Variants in MAGI2 observed in about 807,000 individuals in gnomAD.
MAGI2 encodes membrane-associated guanylate kinase, WW and PDZ domain-containing protein 2.
In MAGI2, 35 loss-of-function variants were observed where a neutral mutation model predicts 133.3. The ratio of observed to expected loss-of-function variants is 0.26; its 90% CI spans 0.20 to 0.35. The LOEUF is 0.35. MAGI2 is among the 10% of genes least tolerant of loss of function. The pLI, the probability that MAGI2 is intolerant of heterozygous loss-of-function variation, is 1.00. For synonymous variants in MAGI2, 729 were observed against 710.6 expected, an observed-to-expected ratio of 1.03 and a Z score of -0.41; for missense variants, 1,636 against 1,863.4, an observed-to-expected ratio of 0.88 and a Z score of 2.25.
At chr7:78,884,962 C>T (rs929267836) in intron 2 of MAGI2, among the ~76,000 whole-genome samples, 1 of 152,044 alleles carries the variant, frequency 6.6e-6, no homozygotes, top group Non-Finnish European at 1.5e-5. Context: ...AATGTGGCAA[C>T]AATATGCAGC....
At chr7:78,604,175 T>C (rs546482166) in intron 3 of MAGI2, among the ~76,000 whole-genome samples, 12 of 152,158 alleles carry the variant, frequency 7.9e-5, no homozygotes, top group African/African-American at 2.9e-4. Context: ...AGGATTTAAG[T>C]AGGGAAAGAA....
intron 1 of MAGI2, among the ~76,000 whole-genome samples, chr7:79,303,567 T>C (rs1276247641): frequency 2.0e-5 from 3 of 152,194 alleles, no homozygotes; most frequent in African/African-American, 7.2e-5. Context: ...GGAAGATATA[T>C]CTTAAAGCTC....
intron 2 of MAGI2, among the ~76,000 whole-genome samples, chr7:78,876,403 A>T (rs1224872373): frequency 6.6e-6 from 1 of 152,068 alleles, no homozygotes; most frequent in African/African-American, 2.4e-5. Context: ...AAAAAGGGAA[A>T]GGTAGAAGAA....
chr7:78,169,982 T>C (rs1346717709), intron 14 of MAGI2, among the ~76,000 whole-genome samples: 1 of 152,250 alleles, frequency 6.6e-6, no homozygotes, highest in Non-Finnish European at 1.5e-5. Context: ...AAGTGCTTTG[T>C]GCAAAAGCCA....
chr7:78,182,480 C>G (rs1045059952), intron 13 of MAGI2, among the ~76,000 whole-genome samples: 1 of 152,174 alleles, frequency 6.6e-6, no homozygotes, highest in African/African-American at 2.4e-5. Flanking sequence ...GTTCTCTCCT[C>G]AGCCTTCACA....
At chr7:78,952,773 T>G (rs1023525129) in intron 2 of MAGI2, among the ~76,000 whole-genome samples, 7 of 152,196 alleles carry the variant, frequency 4.6e-5, no homozygotes, top group African/African-American at 1.7e-4. Flanking sequence ...ATGTAAAGTT[T>G]CCTTACATGG....
At position 78,607,791 on chromosome 7, in the gene MAGI2, G is replaced by T. The variant is rs151034080; in HGVS notation, c.538+19329C>A. Among the ~76,000 whole-genome samples the T allele has an allele frequency of 4.1e-4, 62 of 152,268 alleles. 2 individuals are homozygous for T. The East Asian group carries it at 9.5e-3, about 23-fold the overall frequency. ...CCTCATGGACAATTTCAGTTTCAGA[G>T]GTGGCACACAGATCCATGAGAGCTC... is the stretch of plus-strand genomic sequence containing the variant. On this transcript the variant is annotated intron_variant, in intron 3 of 21. Coordinates refer to ENST00000354212, the MANE Select transcript of MAGI2 (RefSeq NM_012301.4).
rs763003763 is a variant in MAGI2, at chr7:78,501,632, A to T, written c.910T>A (p.Leu304Met). 8 of 1,614,128 alleles carry T rather than the reference A, an allele frequency of 5.0e-6. No individual in the cohort carries two copies. Among genetic ancestry groups the T allele is most frequent in the Non-Finnish European group, 6.8e-6 (8 of 1,180,012 alleles). The change falls in exon 5 of 22, where the codon TTG (leucine) becomes ATG (methionine). Residue 304 changes from leucine to methionine, a missense_variant. Transcript: ENST00000354212. ...KPEDNEEPDP[L>M]PDNWEMAYTE... ...TAGGCCATTTCCCAGTTATCAGGCA[A>T]TGGGTCTGGTTCCTCATTGTCTTCA...
chr7:78,706,906 C>T (rs1004828799), intron 2 of MAGI2, among the ~76,000 whole-genome samples: 1 of 152,102 alleles, frequency 6.6e-6, no homozygotes, highest in Non-Finnish European at 1.5e-5. Context: ...CTCAGGTCAA[C>T]AGGACTGTGA....
intron 9 of MAGI2, among the ~76,000 whole-genome samples, chr7:78,339,392 C>T (rs1790117405): frequency 6.6e-6 from 1 of 152,164 alleles, no homozygotes; most frequent in South Asian, 2.1e-4. Flanking sequence ...CTAACTTAGA[C>T]TGTGTGGGTG....
At chr7:78,375,761 C>T (rs1374029298) in intron 6 of MAGI2, among the ~76,000 whole-genome samples, 4 of 145,714 alleles carry the variant, frequency 2.7e-5, no homozygotes. Flanking sequence ...TTGCTATATA[C>T]TTGTATACAA....
chr7:78,869,235 C>G lies in MAGI2; in HGVS notation c.418+137855G>C, dbSNP rs182157892. Among the ~76,000 whole-genome samples the G allele has an allele frequency of 2.0e-5, 3 of 151,958 alleles. No individual in the cohort carries two copies. In the East Asian group the frequency reaches 5.8e-4, roughly 29 times the overall value. On this transcript the variant is annotated intron_variant, in intron 2 of 21. Transcript: ENST00000354212. ...AGAAGCTTTTTAGTTTAATTGGGTC[C>G]CATCTATTTATTTTTGTTATTGTTG... is the stretch of plus-strand genomic sequence containing the variant.
rs112728442 is a variant in MAGI2, at chr7:78,134,202, T to C, written c.3031+819A>G. On this transcript the variant is annotated intron_variant, in intron 17 of 21. Coordinates refer to ENST00000354212, the MANE Select transcript of MAGI2 (RefSeq NM_012301.4). ...CTACTGTTTTATATTTAAAGTCAAG[T>C]GGCTGTTTAGCCATTTGCTGCCTAC... 1.5e-4 allele frequency: 23 copies of C among 152,358 alleles called. 1 individual carries two copies. The East Asian group carries it at 3.7e-3, about 24-fold the overall frequency. 9.4% of individuals were successfully genotyped at this position (152,358 alleles called of 1,614,324 possible).
chr7:78,316,336 A>G (rs1038103432), intron 9 of MAGI2, among the ~76,000 whole-genome samples: 2 of 152,340 alleles, frequency 1.3e-5, no homozygotes, highest in African/African-American at 4.8e-5. Flanking sequence ...TGATACAGAT[A>G]CAGTGAGTTC....
chr7:79,444,017 A>C (rs1256348343), intron 1 of MAGI2, among the ~76,000 whole-genome samples: 1 of 152,202 alleles, frequency 6.6e-6, no homozygotes, highest in African/African-American at 2.4e-5. Context: ...ACATACGCAA[A>C]TCAATAAACG....
In MAGI2 at chr7:78,924,853, C is replaced by CTAT. The variant is rs1287134682; in HGVS notation, c.418+82234_418+82236dup. The stretch of plus-strand genomic sequence containing the variant: ...TTCTACATTATTATTATTATTACTA[C>CTAT]TATTATTATTATTATTATTATTAGG... On this transcript the variant is annotated intron_variant, in intron 2 of 21. Coordinates refer to ENST00000354212, the MANE Select transcript of MAGI2 (RefSeq NM_012301.4). Among the ~76,000 whole-genome samples the CTAT allele has an allele frequency of 4.0e-3, 601 of 148,826 alleles. 3 individuals carry two copies. The highest frequency in any genetic ancestry group is 0.011 in the Middle Eastern group (3 of 280).
intron 4 of MAGI2, among the ~76,000 whole-genome samples, chr7:78,517,641 T>C (rs1329710980): frequency 6.6e-6 from 1 of 152,168 alleles, no homozygotes; most frequent in African/African-American, 2.4e-5. Context: ...GTTTCTCATT[T>C]TTTATTATTG....
intron 2 of MAGI2, among the ~76,000 whole-genome samples, chr7:78,971,427 G>C (rs1027925802): frequency 1.3e-5 from 2 of 151,874 alleles, no homozygotes; most frequent in African/African-American, 4.8e-5. Flanking sequence ...TTCTATGGTA[G>C]GTACAGCAAT....
At chr7:78,891,964 G>T (rs1306789846) in intron 2 of MAGI2, among the ~76,000 whole-genome samples, 1 of 152,168 alleles carries the variant, frequency 6.6e-6, no homozygotes, top group African/African-American at 2.4e-5. Flanking sequence ...TGACATGATT[G>T]TATATCCAGA....
Sources: allele counts gnomAD v4.1 joint callset (sites outside exome capture counted in the v4.1 genomes callset), GRCh38; gene constraint gnomAD v4.1.1; transcripts MANE v1.5; gene names NCBI Gene and HGNC (gene_info 2026-07-23, HGNC 2026-07-21).